PACRG: variants seen among roughly 807,000 people sequenced by gnomAD.
PACRG encodes the protein parkin coregulated gene protein.
PACRG carries 29 observed loss-of-function variants against 29.7 expected under a neutral mutation model. That is an observed-to-expected ratio of 0.98 (90% CI 0.73 to 1.33). The LOEUF (loss-of-function observed/expected upper bound fraction) is 1.33. PACRG is among the 40% of genes most tolerant of loss of function. The probability of loss-of-function intolerance (pLI) is 0.00; values close to 1 mark genes in which losing one functional copy is unlikely to be tolerated. For synonymous variants in PACRG, 116 were observed against 118.7 expected (o/e 0.98, Z 0.15); for missense variants, 279 against 316.2 (o/e 0.88, Z 0.89).
At chr6:163,144,319 A>C (rs539718977) in intron 4 of PACRG, among the ~76,000 whole-genome samples, 3 of 149,182 alleles carry the variant, frequency 2.0e-5, no homozygotes, top group Non-Finnish European at 4.4e-5. Flanking sequence ...ATTATGCATG[A>C]AAAGCAACAC....
At chr6:162,846,186 C>T (rs924676845) in intron 2 of PACRG, among the ~76,000 whole-genome samples, 1 of 152,130 alleles carries the variant, frequency 6.6e-6, no homozygotes, top group Non-Finnish European at 1.5e-5. Context: ...TCAGAGGATC[C>T]TGCATCTCCA....
At chr6:163,123,103 C>T (rs1330759339) in intron 4 of PACRG, among the ~76,000 whole-genome samples, 1 of 152,198 alleles carries the variant, frequency 6.6e-6, no homozygotes, top group African/African-American at 2.4e-5. Flanking sequence ...AGAAAAACCC[C>T]GTGTGCCCAG....
At chr6:162,912,242 A>G (rs895446157) in intron 2 of PACRG, among the ~76,000 whole-genome samples, 1 of 152,212 alleles carries the variant, frequency 6.6e-6, no homozygotes, top group Non-Finnish European at 1.5e-5. Context: ...CCTTGTGATC[A>G]ACTTCCAGGT....
chr6:162,747,438 CTATA>C lies in PACRG; in HGVS notation c.156+19058_156+19061del, dbSNP rs71813457. 2.8e-4 allele frequency among the ~76,000 whole-genome samples: 13 copies of C among 46,204 alleles called. 2 individuals are homozygous for C. The highest frequency in any genetic ancestry group is 9.6e-4 in the African/African-American group (12 of 12,524). 30.3% of individuals were successfully genotyped at this position (46,204 alleles called of 152,430 possible). ...TATAACTATAAATATATATGTAAAACTATATATATATATAACTATAAATATATAT... is the reference window on the plus strand; with the variant it reads ...TATAACTATAAATATATATGTAAAACTATATATATAACTATAAATATATAT... On this transcript the variant is annotated intron_variant, in intron 1 of 4. Transcript: ENST00000366888.
At chr6:162,795,989 A>C (rs979652716) in intron 1 of PACRG, among the ~76,000 whole-genome samples, 2 of 152,166 alleles carry the variant, frequency 1.3e-5, no homozygotes, top group African/African-American at 4.8e-5. Context: ...GTTTTCTCTG[A>C]GTAAATGATC....
chr6:163,314,686 T>C, intron 4 of PACRG, 141 bp from the exon 5 acceptor site: 2 of 936,398 alleles, frequency 2.1e-6, no homozygotes, highest in Non-Finnish European at 3.0e-6. Context: ...GCCACTGCTT[T>C]TAAAACTCCG....
At chr6:163,173,630 A>G (rs1779204413) in intron 4 of PACRG, among the ~76,000 whole-genome samples, 1 of 152,142 alleles carries the variant, frequency 6.6e-6, no homozygotes, top group African/African-American at 2.4e-5. Flanking sequence ...CAAGTGGCAT[A>G]TGGTTTTTGC....
At chr6:162,766,027 T>TAA (rs1186790664) in intron 1 of PACRG, among the ~76,000 whole-genome samples, 1 of 152,232 alleles carries the variant, frequency 6.6e-6, no homozygotes, top group East Asian at 1.9e-4. Context: ...CAAATCAGGC[T>TAA]CATTAGCATA....
chr6:162,949,439 A>G (rs1799486826), intron 2 of PACRG, among the ~76,000 whole-genome samples: 1 of 152,180 alleles, frequency 6.6e-6, no homozygotes, highest in African/African-American at 2.4e-5. Flanking sequence ...AATGTTCAAT[A>G]GCAGAGTAGG....
In PACRG at chr6:163,215,114, G is replaced by A. The variant is rs144775626; in HGVS notation, c.614-99713G>A. ...CAGGAAATAAATGCCACTCAGTCAC[G>A]GCATTTTTTTTTTGTGCAATGTACT... On this transcript the variant is annotated intron_variant, in intron 4 of 4. Coordinates refer to ENST00000366888, the MANE Select transcript of PACRG (RefSeq NM_001080379.2). Among the ~76,000 whole-genome samples the A allele has an allele frequency of 5.1e-3, 777 of 151,632 alleles. 12 individuals are homozygous for A. The highest frequency in any genetic ancestry group is 0.018 in the African/African-American group (741 of 41,350).
At chr6:163,041,617 G>C (rs193211951) in intron 2 of PACRG, among the ~76,000 whole-genome samples, 1 of 152,032 alleles carries the variant, frequency 6.6e-6, no homozygotes, top group African/African-American at 2.4e-5. Flanking sequence ...TCTTTCCTTC[G>C]TAAATTACCC....
chr6:162,989,139 A>G (rs1038676315), intron 2 of PACRG, among the ~76,000 whole-genome samples: 1 of 152,188 alleles, frequency 6.6e-6, no homozygotes, highest in Non-Finnish European at 1.5e-5. Flanking sequence ...TTTCAGGTGG[A>G]ACATTGTTCT....
chr6:163,313,502 C>T (rs1177462907), intron 4 of PACRG, among the ~76,000 whole-genome samples: 1 of 152,150 alleles, frequency 6.6e-6, no homozygotes, highest in Non-Finnish European at 1.5e-5. Context: ...TTATTCTGGT[C>T]TGAACCATTA....
intron 2 of PACRG, among the ~76,000 whole-genome samples, chr6:162,981,238 A>T (rs1479153011): frequency 6.6e-6 from 1 of 151,354 alleles, no homozygotes; most frequent in Non-Finnish European, 1.5e-5. Flanking sequence ...ATGGCTGAGT[A>T]GTATTCCATG....
intron 2 of PACRG, among the ~76,000 whole-genome samples, chr6:162,947,498 T>TC (rs1799208652): frequency 8.3e-6 from 1 of 120,690 alleles, no homozygotes; most frequent in African/African-American, 3.2e-5. Context: ...TATATACTCA[T>TC]ATATATATAA....
chr6:163,310,815 A>G (rs570244700), intron 4 of PACRG: 27 of 152,304 alleles, frequency 1.8e-4, no homozygotes, highest in African/African-American at 6.3e-4. Context: ...TCTTTGTGAA[A>G]TGTAAATGTG....
intron 2 of PACRG, among the ~76,000 whole-genome samples, chr6:162,913,869 A>G (rs1375661968): frequency 6.6e-6 from 1 of 152,072 alleles, no homozygotes; most frequent in East Asian, 1.9e-4. Context: ...TAGTGTGCTT[A>G]TATATCTTCT....
intron 2 of PACRG, among the ~76,000 whole-genome samples, chr6:163,036,912 CCATT>C (rs1196193089): frequency 1.4e-5 from 2 of 145,818 alleles, no homozygotes. Flanking sequence ...ATCCATCCAT[CCATT>C]CACCCAGGTC....
At position 162,945,611 on chromosome 6, in the gene PACRG, A is replaced by G. The variant is rs188190455; in HGVS notation, c.292-116539A>G. Reference sequence around the variant, plus strand: ...AATTGTATAGACAGAAAATCAACAGAGAAACATTGAATTTAAACTGCAGTT... The same window carrying G: ...AATTGTATAGACAGAAAATCAACAGGGAAACATTGAATTTAAACTGCAGTT... On this transcript the variant is annotated intron_variant, in intron 2 of 4. Transcript: ENST00000366888. 1.1e-4 allele frequency among the ~76,000 whole-genome samples: 17 copies of G among 152,226 alleles called. No individual in the cohort carries two copies. In the East Asian group the frequency reaches 2.9e-3, roughly 26 times the overall value.
Sources: gnomAD v4.1 joint callset for allele counts (sites outside exome capture counted in the v4.1 genomes callset) on GRCh38, gnomAD v4.1.1 for gene constraint, MANE v1.5 for transcripts, NCBI Gene and HGNC (gene_info 2026-07-23, HGNC 2026-07-21) for gene names.